Variants in NAALADL2 observed in about 807,000 individuals in gnomAD.
NAALADL2 encodes the protein inactive N-acetylated-alpha-linked acidic dipeptidase-like protein 2.
Under a neutral mutation model 87.2 loss-of-function variants are expected in NAALADL2, and 76 were observed. The ratio of observed to expected loss-of-function variants is 0.87; its 90% confidence interval spans 0.72 to 1.05. The LOEUF is 1.05. NAALADL2 is among the 50% of genes least tolerant of loss of function. The probability of loss-of-function intolerance (pLI) is 0.00; values close to 1 mark genes in which losing one functional copy is unlikely to be tolerated. For synonymous variants in NAALADL2, 354 were observed against 331.0 expected (o/e 1.07, Z -0.75); for missense variants, 1,089 against 945.8 (o/e 1.15, Z -1.99).
chr3:175,337,983 T>C (rs1036150783), intron 5 of NAALADL2, among the ~76,000 whole-genome samples: 2 of 152,020 alleles, frequency 1.3e-5, no homozygotes, highest in Admixed American at 1.3e-4. Flanking sequence ...AAACCCTGCC[T>C]AATAATTCAG....
chr3:175,099,849 C>T (rs1721819355), intron 2 of NAALADL2, among the ~76,000 whole-genome samples: 1 of 151,912 alleles, frequency 6.6e-6, no homozygotes, highest in Admixed American at 6.6e-5. Context: ...CATTAAAGTG[C>T]CATCATCTAA....
chr3:174,844,756 G>A (rs1724398970), intron 3 of NAALADL2, among the ~76,000 whole-genome samples: 1 of 148,878 alleles, frequency 6.7e-6, no homozygotes, highest in Non-Finnish European at 1.5e-5. Flanking sequence ...TCTGTTATTG[G>A]CATATATAAA....
chr3:175,586,512 A>C (rs1017973950), intron 10 of NAALADL2, among the ~76,000 whole-genome samples: 1 of 152,224 alleles, frequency 6.6e-6, no homozygotes, highest in Non-Finnish European at 1.5e-5. Context: ...TGATTTCTAC[A>C]GTCTCTTCTC....
At chr3:175,205,645 A>C (rs1740709197) in intron 2 of NAALADL2, among the ~76,000 whole-genome samples, 1 of 152,094 alleles carries the variant, frequency 6.6e-6, no homozygotes, top group African/African-American at 2.4e-5. Flanking sequence ...CAACAGTCTG[A>C]AGGTTAAACA....
rs558461797 is a variant in NAALADL2, at chr3:175,556,624, A to G, written c.1654-19417A>G. On this transcript the variant is annotated intron_variant, in intron 9 of 13. Coordinates refer to ENST00000454872, the MANE Select transcript of NAALADL2 (RefSeq NM_207015.3). The stretch of plus-strand genomic sequence containing the variant: ...ATTTAAAATTGACATCATTTTGCTG[A>G]ATGCCAAATATATAACAAAAAAAAA... 8.6e-4 allele frequency among the ~76,000 whole-genome samples: 131 copies of G among 152,298 alleles called. 1 individual carries two copies. Among genetic ancestry groups the G allele is most frequent in the African/African-American group, 3.1e-3 (128 of 41,570 alleles).
At chr3:175,574,462 A>G (rs981234289) in intron 9 of NAALADL2, among the ~76,000 whole-genome samples, 6 of 152,106 alleles carry the variant, frequency 3.9e-5, no homozygotes, top group African/African-American at 1.4e-4. Flanking sequence ...CTCTCTGTCA[A>G]ACTTTTGATT....
intron 2 of NAALADL2, among the ~76,000 whole-genome samples, chr3:174,616,053 A>G (rs1720429174): frequency 6.6e-6 from 1 of 152,002 alleles, no homozygotes; most frequent in Admixed American, 6.6e-5. Context: ...CTGTGAATAT[A>G]AGGGGACTAG....
intron 3 of NAALADL2, among the ~76,000 whole-genome samples, chr3:174,751,109 T>C (rs995269546): frequency 1.3e-5 from 2 of 152,120 alleles, no homozygotes; most frequent in Non-Finnish European, 2.9e-5. Context: ...AGTCAAATAA[T>C]AGTGATGATA....
intron 1 of NAALADL2, among the ~76,000 whole-genome samples, chr3:175,016,606 TAAAG>T (rs1319388377): frequency 3.3e-5 from 5 of 151,802 alleles, no homozygotes; most frequent in African/African-American, 7.3e-5. Context: ...ATACGCAAAT[TAAAG>T]AAATCTTCTT....
At chr3:175,464,858 A>G (rs1163648846) in intron 7 of NAALADL2, among the ~76,000 whole-genome samples, 1 of 152,220 alleles carries the variant, frequency 6.6e-6, no homozygotes, top group Non-Finnish European at 1.5e-5. Flanking sequence ...AATTTCAACA[A>G]ATTTCCATCA....
intron 1 of NAALADL2, among the ~76,000 whole-genome samples, chr3:174,939,836 G>A (rs1190610476): frequency 2.0e-5 from 3 of 151,960 alleles, no homozygotes; most frequent in Admixed American, 2.0e-4. Context: ...CAATGCTAGT[G>A]ATTTTTGTAC....
chr3:174,951,768 C>T (rs887626211), intron 1 of NAALADL2, among the ~76,000 whole-genome samples: 5 of 152,062 alleles, frequency 3.3e-5, no homozygotes, highest in African/African-American at 1.2e-4. Context: ...CAAATACTTG[C>T]TGGTTAAATG....
intron 5 of NAALADL2, among the ~76,000 whole-genome samples, chr3:175,402,779 G>GA (rs2149064578): frequency 6.6e-6 from 1 of 151,940 alleles, no homozygotes; most frequent in Non-Finnish European, 1.5e-5. Flanking sequence ...CTCCAGCTCT[G>GA]AAAAAATTGG....
chr3:175,103,116 A>AAAAC (rs1722516061), intron 2 of NAALADL2, among the ~76,000 whole-genome samples: 1 of 152,012 alleles, frequency 6.6e-6, no homozygotes, highest in Non-Finnish European at 1.5e-5. Flanking sequence ...CAAAAAAAAA[A>AAAAC]AAAAAGTTTT....
chr3:175,223,506 C>A (rs1743709566), intron 2 of NAALADL2, among the ~76,000 whole-genome samples: 1 of 152,042 alleles, frequency 6.6e-6, no homozygotes, highest in East Asian at 1.9e-4. Flanking sequence ...TTTATAGATA[C>A]CACATATTCT....
At chr3:175,009,419 C>T (rs1749488502) in intron 1 of NAALADL2, among the ~76,000 whole-genome samples, 1 of 152,034 alleles carries the variant, frequency 6.6e-6, no homozygotes, top group African/African-American at 2.4e-5. Flanking sequence ...TAAACGAAAG[C>T]CATGTTTTCT....
intron 1 of NAALADL2, among the ~76,000 whole-genome samples, chr3:174,923,667 C>T (rs1031101139): frequency 6.6e-6 from 1 of 152,056 alleles, no homozygotes; most frequent in African/African-American, 2.4e-5. Flanking sequence ...TAGATGCCAC[C>T]ATTTTTCAAT....
intron 1 of NAALADL2, among the ~76,000 whole-genome samples, chr3:175,037,746 G>T (rs971951612): frequency 4.6e-5 from 7 of 152,064 alleles, no homozygotes; most frequent in African/African-American, 1.7e-4. Flanking sequence ...ACTGCATTCT[G>T]GTATACACAT....
chr3:175,710,399 C>T (rs947123740), intron 11 of NAALADL2, among the ~76,000 whole-genome samples: 19 of 151,514 alleles, frequency 1.3e-4, no homozygotes, highest in South Asian at 8.3e-4. Flanking sequence ...GAATATTGAA[C>T]GCAAAAAAGG....
Sources: gnomAD v4.1 joint callset for allele counts (sites outside exome capture counted in the v4.1 genomes callset) on GRCh38, gnomAD v4.1.1 for gene constraint, MANE v1.5 for transcripts, NCBI Gene and HGNC (gene_info 2026-07-23, HGNC 2026-07-21) for gene names.